The following SIM1 variants were observed in gnomAD, a reference collection of about 807,000 sequenced individuals.
SIM1 encodes SIM bHLH transcription factor 1, also known as single-minded homolog 1.
In SIM1, 18 loss-of-function variants were observed where a neutral mutation model predicts 78.2. That is an observed-to-expected ratio of 0.23 (90% CI 0.16 to 0.34). The LOEUF is 0.34. Ranked by LOEUF, SIM1 falls within the 10% of genes least tolerant of loss-of-function variation. The pLI is 1.00. For synonymous variants in SIM1, 417 were observed against 385.2 expected, an observed-to-expected ratio of 1.08 and a Z score of -0.97; for missense variants, 939 against 975.1, an observed-to-expected ratio of 0.96 and a Z score of 0.49.
chr6:100,394,392 A>T (rs754842334), intron 10 of SIM1, among the ~76,000 whole-genome samples: 70 of 152,062 alleles, frequency 4.6e-4, no homozygotes, highest in Admixed American at 4.0e-3. Context: ...TCCATATTTT[A>T]TTTCTATTTG....
At chr6:100,401,700 T>C (rs1325929884) in intron 10 of SIM1, among the ~76,000 whole-genome samples, 1 of 152,188 alleles carries the variant, frequency 6.6e-6, no homozygotes, top group Non-Finnish European at 1.5e-5. Flanking sequence ...TCTTAAAGTA[T>C]GTAATCATTT....
chr6:100,429,137 G>C (rs1392482876), intron 9 of SIM1, among the ~76,000 whole-genome samples: 2 of 152,194 alleles, frequency 1.3e-5, no homozygotes, highest in Non-Finnish European at 2.9e-5. Flanking sequence ...GGGAGGCCAA[G>C]GCAGGTGGAT....
chr6:100,421,524 T>C (rs1449829275), intron 9 of SIM1, among the ~76,000 whole-genome samples: 1 of 152,204 alleles, frequency 6.6e-6, no homozygotes, highest in Non-Finnish European at 1.5e-5. Flanking sequence ...GAGTTCCTAA[T>C]ATACACCAGA....
At chr6:100,439,082 C>T (rs191603701) in intron 9 of SIM1, among the ~76,000 whole-genome samples, 22 of 152,014 alleles carry the variant, frequency 1.4e-4, no homozygotes, top group Non-Finnish European at 2.4e-4. Flanking sequence ...AACCAAAAAC[C>T]GTCTGTACCC....
intron 9 of SIM1, among the ~76,000 whole-genome samples, chr6:100,441,749 T>C (rs1467862032): frequency 6.6e-6 from 1 of 152,138 alleles, no homozygotes; most frequent in Non-Finnish European, 1.5e-5. Flanking sequence ...ATTGAGAAGA[T>C]AGAACAGCTA....
At chr6:100,413,365 TCTC>T (rs1259431521) in intron 10 of SIM1, among the ~76,000 whole-genome samples, 1 of 152,178 alleles carries the variant, frequency 6.6e-6, no homozygotes, top group Non-Finnish European at 1.5e-5. Flanking sequence ...ACGGGCAACA[TCTC>T]CTATCCTCAT....
intron 9 of SIM1, among the ~76,000 whole-genome samples, chr6:100,442,513 C>T (rs928727523): frequency 1.4e-4 from 22 of 152,014 alleles, no homozygotes; most frequent in African/African-American, 4.1e-4. Context: ...ATCTAATTTA[C>T]GGGTATACAT....
rs1302892660 is a variant in SIM1 at position 100,448,165 on chromosome 6, C to T, written c.831G>A (p.Leu277=). Residue 277 remains leucine, a synonymous_variant, in exon 8 of 12, where the codon CTG becomes CTA. Coordinates refer to ENST00000369208, the MANE Select transcript of SIM1 (RefSeq NM_005068.3). ...HHVHGCDTFH[L]RCAHHLLLVK... is the part of the protein sequence containing the mutation. Reference sequence around the variant, plus strand: ...CCTTACGCAAATGGTGCGCGCAGCGCAGGTGGAAGGTGTCGCAGCCGTGCA... The same window carrying T: ...CCTTACGCAAATGGTGCGCGCAGCGTAGGTGGAAGGTGTCGCAGCCGTGCA... 6.2e-7 allele frequency: 1 copy of T among 1,613,526 alleles called. No homozygotes were observed. Among genetic ancestry groups the T allele is most frequent in the Non-Finnish European group, 8.5e-7 (1 of 1,179,858 alleles).
Position 100,463,585 on chromosome 6 carries a change from A to C in SIM1, c.-117T>G. On this transcript the variant is annotated 5_prime_UTR_variant, in exon 2 of 12. Coordinates refer to ENST00000369208, the MANE Select transcript of SIM1 (RefSeq NM_005068.3). ...AAAAACATAAAACATACTTTGAATAAAGAGGCTGAAGTATTTGCACCAAGA... is the reference window on the plus strand; with the variant it reads ...AAAAACATAAAACATACTTTGAATACAGAGGCTGAAGTATTTGCACCAAGA... The C allele has an allele frequency of 1.1e-6, 1 of 935,594 alleles. No homozygotes were observed. Among genetic ancestry groups the C allele is most frequent in the South Asian group, 1.7e-5 (1 of 60,172 alleles). 58.0% of individuals were successfully genotyped at this position (935,594 alleles called of 1,614,324 possible).
rs1772904515 is a variant in SIM1 at position 100,463,380 on chromosome 6, G to C, written c.89C>G (p.Pro30Arg). ...FYELAKLLPL[P>R]SAITSQLDKA... is the part of the protein sequence containing the mutation. Reference sequence around the variant, plus strand: ...GTCCAGCTGCGAGGTGATAGCCGAGGGCAAAGGCAGTAATTTAGCCAGTTC... The same window carrying C: ...GTCCAGCTGCGAGGTGATAGCCGAGCGCAAAGGCAGTAATTTAGCCAGTTC... The change falls in exon 2 of 12, where the codon CCC becomes CGC. Residue 30 changes from proline to arginine, a missense_variant. Physicochemically the swap from Pro to Arg is moderately radical, Grantham distance 103. Transcript: ENST00000369208. 1.2e-6 allele frequency: 2 copies of C among 1,613,994 alleles called. No homozygotes were observed. The highest frequency in any genetic ancestry group is 1.7e-6 in the Non-Finnish European group (2 of 1,179,948).
At chr6:100,396,488 A>G (rs1770771411) in intron 10 of SIM1, among the ~76,000 whole-genome samples, 1 of 152,144 alleles carries the variant, frequency 6.6e-6, no homozygotes, top group Non-Finnish European at 1.5e-5. Flanking sequence ...ACATTTCAAG[A>G]GCACCCAAAG....
intron 9 of SIM1, among the ~76,000 whole-genome samples, chr6:100,425,220 C>G (rs1288220604): frequency 6.6e-6 from 1 of 152,174 alleles, no homozygotes; most frequent in Non-Finnish European, 1.5e-5. Context: ...TCTGAGGCCT[C>G]CCCAGACATG....
chr6:100,407,961 C>T (rs1413805641), intron 10 of SIM1, among the ~76,000 whole-genome samples: 2 of 152,010 alleles, frequency 1.3e-5, no homozygotes. Context: ...GTTTATTTTG[C>T]TATGCAGAAG....
intron 11 of SIM1, among the ~76,000 whole-genome samples, chr6:100,393,283 AT>A (rs1449473132): frequency 6.6e-6 from 1 of 152,248 alleles, no homozygotes; most frequent in Non-Finnish European, 1.5e-5. Context: ...TATAGGAATC[AT>A]TTTTATTCAC....
At chr6:100,459,159 T>C (rs1028709427) in intron 2 of SIM1, among the ~76,000 whole-genome samples, 1 of 152,240 alleles carries the variant, frequency 6.6e-6, no homozygotes, top group African/African-American at 2.4e-5. Flanking sequence ...GTTTTATCAT[T>C]AGACGGGTGA....
Position 100,387,684 on chromosome 6 carries a change from A to C in SIM1, c.*2677T>G, listed in dbSNP as rs1770546481. ...TACCAAAATTTTGAATCAATATATA[A>C]TTTAGTTAATTCTGTATTCTCTTAA... On this transcript the variant is annotated 3_prime_UTR_variant, in exon 12 of 12. Coordinates refer to ENST00000369208, the MANE Select transcript of SIM1 (RefSeq NM_005068.3). 1 of 152,130 alleles carries C rather than the reference A, an allele frequency of 6.6e-6. No homozygotes were observed. Among genetic ancestry groups the C allele is most frequent in the Non-Finnish European group, 1.5e-5 (1 of 67,964 alleles). The allele number at this position is 152,130 out of a possible 1,614,324, so 9.4% of individuals were successfully genotyped here. A position where few individuals can be genotyped will look rare whatever the true frequency, so the allele number is the denominator to read the frequency against.
At chr6:100,391,834 G>A (rs1486457554) in intron 11 of SIM1, among the ~76,000 whole-genome samples, 5 of 152,054 alleles carry the variant, frequency 3.3e-5, no homozygotes, top group African/African-American at 4.8e-5. Context: ...AGCTTTACAG[G>A]TAATCATATA....
chr6:100,463,379 G>A lies in SIM1; in HGVS notation c.90C>T (p.Pro30=). ...TGTCCAGCTGCGAGGTGATAGCCGAGGGCAAAGGCAGTAATTTAGCCAGTT... is the reference window on the plus strand; with the variant it reads ...TGTCCAGCTGCGAGGTGATAGCCGAAGGCAAAGGCAGTAATTTAGCCAGTT... The part of the protein sequence containing the change: ...FYELAKLLPL[P]SAITSQLDKA... The change falls in exon 2 of 12, where the codon CCC becomes CCT. Residue 30 remains proline, a synonymous_variant. Transcript: ENST00000369208. 1.2e-6 allele frequency: 2 copies of A among 1,614,048 alleles called. No individual in the cohort carries two copies. Among genetic ancestry groups the A allele is most frequent in the Non-Finnish European group, 1.7e-6 (2 of 1,179,962 alleles).
At chr6:100,447,465 T>C in intron 8 of SIM1, 50 bp from the exon 9 acceptor site, 1 of 1,608,942 alleles carries the variant, frequency 6.2e-7, no homozygotes, top group South Asian at 1.1e-5. Context: ...TGCCTGGGAC[T>C]GGCCCCAAAT....
Sources: allele counts gnomAD v4.1 joint callset (sites outside exome capture counted in the v4.1 genomes callset), GRCh38; gene constraint gnomAD v4.1.1; transcripts MANE v1.5; gene names NCBI Gene and HGNC (gene_info 2026-07-23, HGNC 2026-07-21).